TIAM1: variants seen among roughly 807,000 people sequenced by gnomAD.
TIAM1 encodes the protein rho guanine nucleotide exchange factor TIAM1.
A neutral mutation model predicts 163.5 loss-of-function variants in TIAM1; 65 were observed. That is an observed-to-expected ratio of 0.40 (90% CI 0.33 to 0.49). The LOEUF (loss-of-function observed/expected upper bound fraction) is 0.49, where lower values mean the gene tolerates loss of function less well. TIAM1 is among the 20% of genes least tolerant of loss of function. The probability of loss-of-function intolerance (pLI) is 0.77; values close to 1 mark genes in which losing one functional copy is unlikely to be tolerated. For synonymous variants in TIAM1, 833 were observed against 810.1 expected, an observed-to-expected ratio of 1.03 and a Z score of -0.48; for missense variants, 1,789 against 2,044.7, an observed-to-expected ratio of 0.87 and a Z score of 2.41.
At chr21:31,465,128 G>T (rs1222020485) in intron 1 of TIAM1, among the ~76,000 whole-genome samples, 1 of 151,316 alleles carries the variant, frequency 6.6e-6, no homozygotes, top group Non-Finnish European at 1.5e-5. Context: ...AACCTGGGAG[G>T]TCAAGGCTGC....
Position 31,120,352 on chromosome 21 carries a change from G to C in TIAM1, c.*16C>G. The C allele has an allele frequency of 1.3e-6, 2 of 1,589,516 alleles. No homozygotes were observed. The highest frequency in any genetic ancestry group is 1.7e-6 in the Non-Finnish European group (2 of 1,167,102). On this transcript the variant is annotated 3_prime_UTR_variant, in exon 28 of 28. Coordinates refer to ENST00000541036, the MANE Select transcript of TIAM1 (RefSeq NM_001353694.2). The surrounding 1 kb of genome is among the most constrained non-coding windows in gnomAD (Gnocchi z 4.2). ...GGAAGTATCTACACACATTCTCTAC[G>C]GGGCAGGTGACGCAGTCAGATCTCA... is the stretch of plus-strand genomic sequence containing the variant.
chr21:31,242,636 C>A (rs533175391), intron 6 of TIAM1, among the ~76,000 whole-genome samples: 8 of 152,202 alleles, frequency 5.3e-5, no homozygotes, highest in South Asian at 4.1e-4. Context: ...AAGGAAATCT[C>A]TTTCTAATAA....
chr21:31,295,596 T>C (rs868599420), intron 2 of TIAM1, among the ~76,000 whole-genome samples: 2 of 151,924 alleles, frequency 1.3e-5, no homozygotes, highest in South Asian at 4.2e-4. Context: ...ACTCAGAGGC[T>C]ATGAAGAGGG....
rs535422675 is a variant in TIAM1 at position 31,387,840 on chromosome 21, G to A, written c.-368-48418C>T. The stretch of plus-strand genomic sequence containing the variant: ...TCTCCCAGGCGCACCTTCCCCAGGG[G>A]CAGGTGCATGGAGTGAAGTCGCCTC... On this transcript the variant is annotated intron_variant, in intron 2 of 28. Coordinates refer to the TIAM1 transcript ENST00000286827. Among the ~76,000 whole-genome samples the A allele has an allele frequency of 2.6e-5, 4 of 152,148 alleles. No individual in the cohort carries two copies. The South Asian group carries it at 6.2e-4, about 24-fold the overall frequency.
intron 1 of TIAM1, among the ~76,000 whole-genome samples, chr21:31,546,697 A>C (rs2048508225): frequency 6.6e-6 from 1 of 152,176 alleles, no homozygotes; most frequent in Non-Finnish European, 1.5e-5. Context: ...GCAAAGGAAA[A>C]AATTCAAGGA....
chr21:31,372,995 C>T (rs746033556), intron 2 of TIAM1, among the ~76,000 whole-genome samples: 40 of 143,880 alleles, frequency 2.8e-4, no homozygotes, highest in Admixed American at 5.0e-4. Flanking sequence ...GCAGAGGTTT[C>T]GGTGAGCCGA....
intron 2 of TIAM1, among the ~76,000 whole-genome samples, chr21:31,307,430 G>C (rs1163239791): frequency 6.6e-6 from 1 of 152,130 alleles, no homozygotes; most frequent in Admixed American, 6.5e-5. Context: ...ACACCATCCA[G>C]AACACGGCCA....
chr21:31,235,905 C>T (rs1169620482), intron 6 of TIAM1, among the ~76,000 whole-genome samples: 1 of 152,224 alleles, frequency 6.6e-6, no homozygotes, highest in Non-Finnish European at 1.5e-5. Context: ...TCATTTTGCA[C>T]TTCAACATCC....
At chr21:31,193,523 C>G (rs1243931778) in intron 13 of TIAM1, among the ~76,000 whole-genome samples, 2 of 152,160 alleles carry the variant, frequency 1.3e-5, no homozygotes, top group African/African-American at 2.4e-5. Flanking sequence ...CTACGTGACT[C>G]CACTGAAACA....
At chr21:31,494,228 T>C (rs568614582) in intron 1 of TIAM1, among the ~76,000 whole-genome samples, 1 of 152,230 alleles carries the variant, frequency 6.6e-6, no homozygotes, top group East Asian at 1.9e-4. Context: ...TAATAATTTA[T>C]TTCTGTACCC....
At chr21:31,301,907 A>G (rs1287211038) in intron 2 of TIAM1, among the ~76,000 whole-genome samples, 1 of 149,118 alleles carries the variant, frequency 6.7e-6, no homozygotes, top group Non-Finnish European at 1.5e-5. Context: ...ATGTGTGTGT[A>G]TATATACGTG....
At chr21:31,542,129 G>C (rs1480442177) in intron 1 of TIAM1, among the ~76,000 whole-genome samples, 1 of 152,162 alleles carries the variant, frequency 6.6e-6, no homozygotes, top group Non-Finnish European at 1.5e-5. Flanking sequence ...TGAATGCTTA[G>C]TAATGGGTAC....
intron 1 of TIAM1, among the ~76,000 whole-genome samples, chr21:31,467,655 A>AAAAT (rs1033503473): frequency 6.6e-6 from 1 of 151,386 alleles, no homozygotes; most frequent in Non-Finnish European, 1.5e-5. Flanking sequence ...AAATAAAAAT[A>AAAAT]AAATAAATAA....
chr21:31,129,349 AACTC>A (rs1209941975), intron 25 of TIAM1, among the ~76,000 whole-genome samples: 6 of 152,350 alleles, frequency 3.9e-5, no homozygotes, highest in African/African-American at 1.4e-4. Context: ...GCTACCCAAC[AACTC>A]ACTTCACTGC....
At chr21:31,138,304 C>T (rs774295634) in intron 22 of TIAM1, among the ~76,000 whole-genome samples, 1 of 152,156 alleles carries the variant, frequency 6.6e-6, no homozygotes, top group Non-Finnish European at 1.5e-5. Flanking sequence ...TGTTTCTTTG[C>T]CAGCTTTGTT....
At chr21:31,506,081 T>G (rs1274885127) in intron 1 of TIAM1, among the ~76,000 whole-genome samples, 2 of 150,490 alleles carry the variant, frequency 1.3e-5, no homozygotes, top group Non-Finnish European at 2.9e-5. Context: ...GTCCCACAGC[T>G]TGCTGGAGAC....
chr21:31,433,613 G>T (rs182284139), intron 2 of TIAM1, among the ~76,000 whole-genome samples: 96 of 152,254 alleles, frequency 6.3e-4, no homozygotes, highest in African/African-American at 2.1e-3. Flanking sequence ...ATTAAAAAAA[G>T]GATTGATCCC....
At chr21:31,377,700 G>T (rs113801705) in intron 2 of TIAM1, among the ~76,000 whole-genome samples, 1 of 151,974 alleles carries the variant, frequency 6.6e-6, no homozygotes, top group Non-Finnish European at 1.5e-5. Context: ...TGCCATCCTA[G>T]GCTACTAAGG....
intron 4 of TIAM1, among the ~76,000 whole-genome samples, chr21:31,259,910 T>C (rs1454144591): frequency 1.3e-5 from 2 of 151,552 alleles, no homozygotes; most frequent in Non-Finnish European, 2.9e-5. Context: ...ACAATGCCTC[T>C]GTCCCACATC....
Sources: gnomAD v4.1 joint callset for allele counts (sites outside exome capture counted in the v4.1 genomes callset) on GRCh38, gnomAD v4.1.1 for gene constraint, Gnocchi (gnomAD v3.1) non-coding constraint, MANE v1.5 for transcripts, NCBI Gene and HGNC (gene_info 2026-07-23, HGNC 2026-07-21) for gene names.